JAZF1: variants seen among roughly 807,000 people sequenced by gnomAD.
JAZF1 encodes JAZF zinc finger 1, also known as juxtaposed with another zinc finger protein 1.
A neutral mutation model predicts 26.4 loss-of-function variants in JAZF1; 8 were observed. The ratio of observed to expected loss-of-function variants is 0.30; its 90% confidence interval spans 0.18 to 0.55. The LOEUF (loss-of-function observed/expected upper bound fraction) is 0.55. JAZF1 is among the 20% of genes least tolerant of loss of function. JAZF1 has a pLI of 0.94. For missense variants in JAZF1, 199 were observed against 322.0 expected (o/e 0.62, Z 2.92); for synonymous variants, 126 against 122.3 (o/e 1.03, Z -0.20).
intron 1 of JAZF1, among the ~76,000 whole-genome samples, chr7:28,079,882 TA>T (rs1562580291): frequency 6.6e-6 from 1 of 152,164 alleles, no homozygotes; most frequent in Admixed American, 6.5e-5. Flanking sequence ...AACTCAGAGA[TA>T]CTGCTGGTCT....
At chr7:27,980,385 C>T (rs1156350315) in intron 2 of JAZF1, among the ~76,000 whole-genome samples, 1 of 152,000 alleles carries the variant, frequency 6.6e-6, no homozygotes, top group Non-Finnish European at 1.5e-5. Flanking sequence ...GGTTTTTTTT[C>T]CTACCTGTAA....
intron 1 of JAZF1, among the ~76,000 whole-genome samples, chr7:28,093,606 T>C (rs59092489): frequency 0.039 from 6,010 of 152,306 alleles, 320 homozygotes; most frequent in East Asian, 0.26. Context: ...TTCAATTTAC[T>C]AAAAATTTCT....
intron 1 of JAZF1, among the ~76,000 whole-genome samples, chr7:28,025,878 A>G (rs1006110663): frequency 1.3e-5 from 2 of 152,202 alleles, no homozygotes; most frequent in African/African-American, 4.8e-5. Context: ...CACTGTTATT[A>G]TTCAGAGCCT....
chr7:28,124,823 A>T (rs1782669718), intron 1 of JAZF1, among the ~76,000 whole-genome samples: 1 of 152,236 alleles, frequency 6.6e-6, no homozygotes, highest in South Asian at 2.1e-4. Flanking sequence ...TCAGATCAAT[A>T]CTACAAAATG....
At chr7:28,151,109 ATATT>A (rs1562604449) in intron 1 of JAZF1, among the ~76,000 whole-genome samples, 1 of 54,658 alleles carries the variant, frequency 1.8e-5, no homozygotes, top group Non-Finnish European at 4.5e-5. Flanking sequence ...ATATATATAT[ATATT>A]TTTTTTTTGA....
intron 1 of JAZF1, among the ~76,000 whole-genome samples, chr7:28,039,808 A>G (rs535994470): frequency 6.6e-6 from 1 of 152,340 alleles, no homozygotes; most frequent in African/African-American, 2.4e-5. Flanking sequence ...AATAACTGGA[A>G]TGACTGAATA....
intron 1 of JAZF1, among the ~76,000 whole-genome samples, chr7:28,078,990 A>AT (rs113270032): frequency 0.023 from 3,197 of 140,866 alleles, 31 homozygotes; most frequent in African/African-American, 0.041. Flanking sequence ...AATGCCCATA[A>AT]TTTTTTTTTT....
intron 3 of JAZF1, among the ~76,000 whole-genome samples, chr7:27,875,687 A>G (rs1749027217): frequency 6.6e-6 from 1 of 152,186 alleles, no homozygotes; most frequent in South Asian, 2.1e-4. Context: ...GCTCGTCCCT[A>G]TCAGAGAACT....
intron 2 of JAZF1, among the ~76,000 whole-genome samples, chr7:27,971,615 A>G (rs1188774920): frequency 1.3e-5 from 2 of 152,212 alleles, no homozygotes; most frequent in African/African-American, 2.4e-5. Flanking sequence ...CACTAGAGCT[A>G]TAGAGGGAAG....
chr7:27,913,069 T>C (rs1784385912), intron 2 of JAZF1, among the ~76,000 whole-genome samples: 1 of 152,086 alleles, frequency 6.6e-6, no homozygotes, highest in South Asian at 2.1e-4. Flanking sequence ...AGCTACTTAG[T>C]GGGTAATTCA....
chr7:28,093,709 AAG>A (rs1323962775), intron 1 of JAZF1, among the ~76,000 whole-genome samples: 44 of 152,212 alleles, frequency 2.9e-4, no homozygotes, highest in Non-Finnish European at 2.2e-4. Context: ...GGGGGAAATG[AAG>A]AGAGTGCCAC....
chr7:28,096,650 A>G (rs1011641257), intron 1 of JAZF1, among the ~76,000 whole-genome samples: 4 of 152,232 alleles, frequency 2.6e-5, no homozygotes, highest in Non-Finnish European at 4.4e-5. Context: ...TTCTTACTAC[A>G]AGATGGCCAA....
chr7:28,094,745 G>A (rs1784356155), intron 1 of JAZF1, among the ~76,000 whole-genome samples: 2 of 152,110 alleles, frequency 1.3e-5, no homozygotes. Context: ...TTTGCTTATG[G>A]TGCTTTTTAA....
At chr7:28,035,463 T>C (rs1406442160) in intron 1 of JAZF1, among the ~76,000 whole-genome samples, 1 of 145,554 alleles carries the variant, frequency 6.9e-6, no homozygotes, top group African/African-American at 2.8e-5. Flanking sequence ...TCTAAAGAGA[T>C]AGAGAGTATC....
At chr7:27,980,899 C>A (rs1323872348) in intron 2 of JAZF1, among the ~76,000 whole-genome samples, 2 of 152,118 alleles carry the variant, frequency 1.3e-5, no homozygotes, top group African/African-American at 4.8e-5. Flanking sequence ...CCCCAAGACT[C>A]CTTTTAGTTA....
At chr7:27,855,423 G>A (rs1291387854) in intron 3 of JAZF1, among the ~76,000 whole-genome samples, 1 of 152,018 alleles carries the variant, frequency 6.6e-6, no homozygotes, top group Non-Finnish European at 1.5e-5. Flanking sequence ...AAAAATCAAT[G>A]AATCCAGGAG....
chr7:27,927,783 G>C (rs1278110390), intron 2 of JAZF1, among the ~76,000 whole-genome samples: 1 of 152,000 alleles, frequency 6.6e-6, no homozygotes, highest in African/African-American at 2.4e-5. Context: ...ATGCTGTTTG[G>C]GTAAGGAGTT....
chr7:27,997,920 T>C (rs1407998589), intron 1 of JAZF1, among the ~76,000 whole-genome samples: 1 of 151,672 alleles, frequency 6.6e-6, no homozygotes, highest in Admixed American at 6.6e-5. Context: ...AAATTGTCTC[T>C]AGACATTGGA....
chr7:27,880,674 C>T (rs931055810), intron 3 of JAZF1, among the ~76,000 whole-genome samples: 2 of 152,052 alleles, frequency 1.3e-5, no homozygotes, highest in African/African-American at 4.8e-5. Flanking sequence ...CTAAACTTTG[C>T]TTTGTTTTGA....
Sources: gnomAD v4.1 joint callset for allele counts (sites outside exome capture counted in the v4.1 genomes callset) on GRCh38, gnomAD v4.1.1 for gene constraint, MANE v1.5 for transcripts, NCBI Gene and HGNC (gene_info 2026-07-23, HGNC 2026-07-21) for gene names.